BUB1B: variants seen among roughly 807,000 people sequenced by gnomAD.
BUB1B encodes the protein BUB1 mitotic checkpoint serine/threonine kinase B.
In BUB1B, 86 loss-of-function variants were observed where a neutral mutation model predicts 137.7. The ratio of observed to expected loss-of-function variants is 0.62; its 90% CI spans 0.52 to 0.75. BUB1B has a LOEUF of 0.75. BUB1B is among the 30% of genes least tolerant of loss of function. BUB1B has a pLI of 0.00. For synonymous variants in BUB1B, 420 were observed against 417.9 expected (o/e 1.00, Z -0.06); for missense variants, 1,130 against 1,236.9 (o/e 0.91, Z 1.30).
rs1595519855 is a variant in BUB1B, at chr15:40,185,386, A to C, written c.966+7A>C. ...CAGGTCCTTGGAACACAGGGTAAGG[A>C]CTCTTAGATCCAGTGCTTTGCTGAC... On this transcript the variant is annotated splice_region_variant and intron_variant, in intron 7 of 22. Coordinates refer to ENST00000287598, the MANE Select transcript of BUB1B (RefSeq NM_001211.6). 2 of 1,613,714 alleles carry C rather than the reference A, an allele frequency of 1.2e-6. No homozygotes were observed. The highest frequency in any genetic ancestry group is 2.2e-5 in the East Asian group (1 of 44,870).
chr15:40,220,482 A>G (rs1460977117), intron 22 of BUB1B, 82 bp from the exon 23 acceptor site: 4 of 1,418,364 alleles, frequency 2.8e-6, no homozygotes, highest in Non-Finnish European at 3.0e-6. Flanking sequence ...TTTGGTGCAT[A>G]AATGTACCAC....
chr15:40,192,702 ATCT>A (rs769371117), intron 8 of BUB1B, among the ~76,000 whole-genome samples: 4 of 152,180 alleles, frequency 2.6e-5, no homozygotes, highest in Non-Finnish European at 5.9e-5. Context: ...GTTCCTCTGC[ATCT>A]TCTTCTGACA....
chr15:40,199,526 A>G (rs2037537967), intron 9 of BUB1B, 89 bp from the exon 10 acceptor site: 2 of 911,574 alleles, frequency 2.2e-6, no homozygotes, highest in Non-Finnish European at 3.6e-6. Flanking sequence ...TTAGTAACAT[A>G]TATGTTGAGG....
intron 5 of BUB1B, 86 bp downstream of exon 5, chr15:40,176,759 G>A (rs2037229259): frequency 2.1e-6 from 3 of 1,408,248 alleles, no homozygotes; most frequent in Non-Finnish European, 3.0e-6. Flanking sequence ...GTGCTTTCTG[G>A]TGGATTGGCA....
rs777968728 is a variant in BUB1B, at chr15:40,202,427, T to A, written c.1590T>A (p.Ile530=). 7 of 1,612,100 alleles carry A rather than the reference T, an allele frequency of 4.3e-6. No homozygotes were observed. The highest frequency in any genetic ancestry group is 5.9e-6 in the Non-Finnish European group (7 of 1,179,346). Residue 530 remains isoleucine (I), a synonymous_variant, in exon 13 of 23, where the codon ATT becomes ATA. Coordinates refer to ENST00000287598, the MANE Select transcript of BUB1B (RefSeq NM_001211.6). ...TAGGTCCCAGTGTACCTTTCTCCATTTTTGATGAGTTTCTTCTTTCAGAAA... is the reference window on the plus strand; with the variant it reads ...TAGGTCCCAGTGTACCTTTCTCCATATTTGATGAGTTTCTTCTTTCAGAAA... ...HSKGPSVPFS[I]FDEFLLSEKK...
At chr15:40,196,970 C>T (rs993903286) in intron 9 of BUB1B, among the ~76,000 whole-genome samples, 196 bp downstream of exon 9, 5 of 152,152 alleles carry the variant, frequency 3.3e-5, no homozygotes, top group African/African-American at 1.2e-4. Context: ...GTGTATCAGC[C>T]AAACTCCCAT....
intron 5 of BUB1B, among the ~76,000 whole-genome samples, chr15:40,180,247 G>GTT (rs1566818628): frequency 1.7e-4 from 18 of 108,818 alleles, no homozygotes; most frequent in Non-Finnish European, 2.5e-4. Context: ...TCAACGTTTC[G>GTT]TTTCTTTTTT....
At chr15:40,197,187 T>C (rs1336829411) in intron 9 of BUB1B, among the ~76,000 whole-genome samples, 4 of 152,244 alleles carry the variant, frequency 2.6e-5, no homozygotes, top group Admixed American at 6.5e-5. Flanking sequence ...TCACTTTACC[T>C]TTGATACTTT....
At chr15:40,180,584 C>T (rs1385986559) in intron 5 of BUB1B, among the ~76,000 whole-genome samples, 4 of 149,654 alleles carry the variant, frequency 2.7e-5, no homozygotes, top group Non-Finnish European at 4.4e-5. Context: ...TTTTCTTTCA[C>T]CACTTTAATG....
intron 22 of BUB1B, 104 bp downstream of exon 22, chr15:40,218,666 C>T (rs960240960): frequency 1.2e-6 from 1 of 851,922 alleles, no homozygotes; most frequent in Non-Finnish European, 2.0e-6. Context: ...ATCCAAATGC[C>T]ATGGTTCCAG....
chr15:40,193,075 C>T (rs935780662), intron 8 of BUB1B, among the ~76,000 whole-genome samples: 1 of 151,894 alleles, frequency 6.6e-6, no homozygotes, highest in Non-Finnish European at 1.5e-5. Flanking sequence ...GTCTTGAACT[C>T]CTGGGATCAA....
At chr15:40,170,404 G>T in intron 3 of BUB1B, 133 bp from the exon 4 acceptor site, 1 of 1,090,126 alleles carries the variant, frequency 9.2e-7, no homozygotes. Flanking sequence ...AGGGATACAG[G>T]CTTAGGGTAT....
At chr15:40,213,854 A>G (rs1278024804) in intron 20 of BUB1B, among the ~76,000 whole-genome samples, 2 of 152,204 alleles carry the variant, frequency 1.3e-5, no homozygotes, top group Non-Finnish European at 2.9e-5. Flanking sequence ...CCAATTTTTA[A>G]AGCCTTTTGA....
At chr15:40,172,958 A>G (rs1026866636) in intron 4 of BUB1B, among the ~76,000 whole-genome samples, 1 of 152,170 alleles carries the variant, frequency 6.6e-6, no homozygotes, top group Non-Finnish European at 1.5e-5. Flanking sequence ...ACTAGCCTAA[A>G]TAATATCTTT....
chr15:40,183,525 C>G (rs2037321240), intron 5 of BUB1B, among the ~76,000 whole-genome samples, 189 bp from the exon 6 acceptor site: 1 of 152,188 alleles, frequency 6.6e-6, no homozygotes, highest in Non-Finnish European at 1.5e-5. Flanking sequence ...TTAAATAATT[C>G]TAGCCAAAAC....
In BUB1B at chr15:40,209,776, G is replaced by A; in HGVS notation, c.2284+1G>A. 6.2e-7 allele frequency: 1 copy of A among 1,613,992 alleles called. No individual in the cohort carries two copies. The highest frequency in any genetic ancestry group is 8.5e-7 in the Non-Finnish European group (1 of 1,179,978). On this transcript the variant is annotated splice_donor_variant, in intron 17 of 22. Coordinates refer to ENST00000287598, the MANE Select transcript of BUB1B (RefSeq NM_001211.6). LOFTEE classifies it high-confidence loss of function. ...GAAATTGAGAAGGAAATTGAATTAG[G>A]TAAGTACCATTGAACTCATGTCCTC...
intron 20 of BUB1B, among the ~76,000 whole-genome samples, chr15:40,216,830 C>A (rs754717885): frequency 2.6e-5 from 4 of 151,672 alleles, no homozygotes; most frequent in South Asian, 2.1e-4. Flanking sequence ...TAAACAGTTC[C>A]TATGTCCCCT....
At chr15:40,180,255 T>TC (rs2037271034) in intron 5 of BUB1B, among the ~76,000 whole-genome samples, 2 of 141,454 alleles carry the variant, frequency 1.4e-5, no homozygotes, top group African/African-American at 5.4e-5. Context: ...TCGTTTCTTT[T>TC]TTTTTTTTTT....
intron 5 of BUB1B, among the ~76,000 whole-genome samples, chr15:40,183,146 C>G (rs1224886842): frequency 2.0e-5 from 3 of 152,110 alleles, no homozygotes; most frequent in Non-Finnish European, 4.4e-5. Context: ...AGAATCTCTT[C>G]TGATAATACT....
Sources: allele counts gnomAD v4.1 joint callset (sites outside exome capture counted in the v4.1 genomes callset), GRCh38; gene constraint gnomAD v4.1.1; transcripts MANE v1.5; gene names NCBI Gene and HGNC (gene_info 2026-07-23, HGNC 2026-07-21).